SYT9: variants seen among roughly 807,000 people sequenced by gnomAD.
SYT9 encodes synaptotagmin 9.
Under a neutral mutation model 48.4 loss-of-function variants are expected in SYT9, and 22 were observed. That is an observed-to-expected ratio of 0.45 (90% CI 0.32 to 0.65). The LOEUF (loss-of-function observed/expected upper bound fraction) is 0.65. Among genes scored for constraint, SYT9 ranks in the 30% least tolerant of loss-of-function variants. The pLI, the probability that SYT9 is intolerant of heterozygous loss-of-function variation, is 0.03. For synonymous variants in SYT9, 265 were observed against 245.0 expected, an observed-to-expected ratio of 1.08 and a Z score of -0.76; for missense variants, 577 against 622.0, an observed-to-expected ratio of 0.93 and a Z score of 0.77.
intron 3 of SYT9, among the ~76,000 whole-genome samples, chr11:7,358,929 T>C (rs943628070): frequency 6.6e-6 from 1 of 152,132 alleles, no homozygotes; most frequent in African/African-American, 2.4e-5. Context: ...ATACATGTGC[T>C]ATGCTGGTGC....
At chr11:7,427,572 A>T (rs191468110) in intron 6 of SYT9, 1 of 152,352 alleles carries the variant, frequency 6.6e-6, no homozygotes, top group Admixed American at 6.5e-5. Flanking sequence ...GGTGACAAGG[A>T]CTTTAGCCCA....
intron 3 of SYT9, among the ~76,000 whole-genome samples, chr11:7,319,090 T>G (rs1167566480): frequency 6.6e-6 from 1 of 152,108 alleles, no homozygotes; most frequent in Non-Finnish European, 1.5e-5. Flanking sequence ...ATGCCCCTAG[T>G]TTCTGACTTC....
chr11:7,333,407 C>G (rs1589952373), intron 3 of SYT9, among the ~76,000 whole-genome samples: 1 of 152,178 alleles, frequency 6.6e-6, no homozygotes, highest in Admixed American at 6.5e-5. Flanking sequence ...CTATAAGGCC[C>G]TGGCTCTCTA....
intron 1 of SYT9, among the ~76,000 whole-genome samples, chr11:7,301,819 GA>G (rs1227646835): frequency 6.6e-6 from 1 of 152,160 alleles, no homozygotes; most frequent in Non-Finnish European, 1.5e-5. Flanking sequence ...TTAAAATAAG[GA>G]TTTTACAGCC....
chr11:7,280,194 C>T lies in SYT9; in HGVS notation c.146-22845C>T, dbSNP rs901789396. 1.3e-5 allele frequency among the ~76,000 whole-genome samples: 2 copies of T among 152,234 alleles called. 1 individual carries two copies. Among genetic ancestry groups the T allele is most frequent in the Admixed American group, 1.3e-4 (2 of 15,286 alleles). On this transcript the variant is annotated intron_variant, in intron 1 of 6. Coordinates refer to ENST00000318881, the MANE Select transcript of SYT9 (RefSeq NM_175733.4). ...ACAATTCATAATAAAATACACATTGCATTTTATTGATTACATTACAATTGA... is the reference window on the plus strand; with the variant it reads ...ACAATTCATAATAAAATACACATTGTATTTTATTGATTACATTACAATTGA...
At position 7,260,045 on chromosome 11, in the gene SYT9, T is replaced by C. The variant is rs117541258; in HGVS notation, c.145+7714T>C. ...CCCCACCCTACCCTTGTGCAGCTGTTACTTAACCACGTTGAATTGATCAAT... is the reference window on the plus strand; with the variant it reads ...CCCCACCCTACCCTTGTGCAGCTGTCACTTAACCACGTTGAATTGATCAAT... On this transcript the variant is annotated intron_variant, in intron 1 of 6. Transcript: ENST00000318881. Among the ~76,000 whole-genome samples, 916 of 152,322 alleles carry C rather than the reference T, an allele frequency of 6.0e-3. 3 individuals are homozygous for C. Among genetic ancestry groups the C allele is most frequent in the Middle Eastern group, 0.017 (5 of 294 alleles).
intron 3 of SYT9, among the ~76,000 whole-genome samples, chr11:7,383,763 T>C (rs1291050323): frequency 6.6e-6 from 1 of 152,186 alleles, no homozygotes; most frequent in Non-Finnish European, 1.5e-5. Context: ...AACTGAGAAA[T>C]TACATAGTTT....
At chr11:7,440,259 C>A (rs965869275) in intron 6 of SYT9, 2 of 152,122 alleles carry the variant, frequency 1.3e-5, no homozygotes, top group African/African-American at 4.8e-5. Context: ...GTTGGAACCC[C>A]CCTGAGTAGA....
At chr11:7,245,667 C>G (rs944831224) in intron 1 of SYT9, among the ~76,000 whole-genome samples, 10 of 152,172 alleles carry the variant, frequency 6.6e-5, no homozygotes, top group Admixed American at 6.5e-4. Context: ...GCACTGGCAT[C>G]TGGCAAGGGC....
rs1377601063 is a variant in SYT9, at chr11:7,407,571, G to A, written c.1045-8471G>A. Reference sequence around the variant, plus strand: ...AATTTTTTGTATTTTTAGTAGAGACGGGGTTTCACCTTGTTAGCCAGGATG... The same window carrying A: ...AATTTTTTGTATTTTTAGTAGAGACAGGGTTTCACCTTGTTAGCCAGGATG... On this transcript the variant is annotated intron_variant, in intron 3 of 6. Coordinates refer to ENST00000318881, the MANE Select transcript of SYT9 (RefSeq NM_175733.4). 4.6e-5 allele frequency among the ~76,000 whole-genome samples: 3 copies of A among 65,674 alleles called. 1 individual carries two copies. The East Asian group carries it at 8.0e-4, about 17-fold the overall frequency. The allele number at this position is 65,674 out of a possible 152,430, so 43.1% of individuals were successfully genotyped here.
chr11:7,439,593 G>A (rs1268890822), intron 6 of SYT9: 1 of 152,388 alleles, frequency 6.6e-6, no homozygotes, highest in Non-Finnish European at 1.5e-5. Context: ...GACATGAGCA[G>A]AAGGCTGGAG....
intron 1 of SYT9, among the ~76,000 whole-genome samples, chr11:7,240,002 A>G (rs1847724881): frequency 6.6e-6 from 1 of 152,144 alleles, no homozygotes; most frequent in Non-Finnish European, 1.5e-5. Context: ...GGAATTTAAA[A>G]CCACGGAACT....
In SYT9 at chr11:7,466,895, G is replaced by T; in HGVS notation, c.*95G>T. 6.9e-7 allele frequency: 1 copy of T among 1,458,174 alleles called. No individual in the cohort carries two copies. Among genetic ancestry groups the T allele is most frequent in the Non-Finnish European group, 9.5e-7 (1 of 1,051,662 alleles). 90.3% of individuals were successfully genotyped at this position (1,458,174 alleles called of 1,614,324 possible). Reference sequence around the variant, plus strand: ...TTTTTCCATCCAGCAACATCCAGACGATTTCAGTGACCAAATGCTCAGCTG... The same window carrying T: ...TTTTTCCATCCAGCAACATCCAGACTATTTCAGTGACCAAATGCTCAGCTG... On this transcript the variant is annotated 3_prime_UTR_variant, in exon 7 of 7. Coordinates refer to ENST00000318881, the MANE Select transcript of SYT9 (RefSeq NM_175733.4).
chr11:7,394,471 A>G (rs566995197), intron 3 of SYT9, among the ~76,000 whole-genome samples: 31 of 152,316 alleles, frequency 2.0e-4, no homozygotes, highest in African/African-American at 7.0e-4. Flanking sequence ...CTTTGGGTAT[A>G]TACCCAGTAA....
intron 3 of SYT9, among the ~76,000 whole-genome samples, chr11:7,370,428 G>T (rs985010579): frequency 2.0e-5 from 3 of 152,106 alleles, no homozygotes; most frequent in African/African-American, 7.2e-5. Flanking sequence ...TAGTGGTTAG[G>T]ACTAGGGATG....
At chr11:7,410,099 G>T (rs962192681) in intron 3 of SYT9, among the ~76,000 whole-genome samples, 1 of 151,998 alleles carries the variant, frequency 6.6e-6, no homozygotes, top group African/African-American at 2.4e-5. Flanking sequence ...TTTCTTAATT[G>T]ACCCAGTGGT....
At chr11:7,387,416 A>G (rs191466182) in intron 3 of SYT9, among the ~76,000 whole-genome samples, 3 of 152,314 alleles carry the variant, frequency 2.0e-5, no homozygotes, top group Middle Eastern at 3.4e-3. Context: ...CTGAGCTTGT[A>G]TCCACTCTAT....
At chr11:7,410,048 A>G (rs1009099161) in intron 3 of SYT9, among the ~76,000 whole-genome samples, 1 of 152,008 alleles carries the variant, frequency 6.6e-6, no homozygotes, top group African/African-American at 2.4e-5. Context: ...CACATGTCTT[A>G]TTTACATTTG....
chr11:7,387,848 T>C (rs1247763569), intron 3 of SYT9, among the ~76,000 whole-genome samples: 1 of 152,212 alleles, frequency 6.6e-6, no homozygotes, highest in East Asian at 1.9e-4. Context: ...TAATCAACCA[T>C]GTAAACGTGA....
Sources: allele counts gnomAD v4.1 joint callset (sites outside exome capture counted in the v4.1 genomes callset), GRCh38; gene constraint gnomAD v4.1.1; transcripts MANE v1.5; gene names NCBI Gene and HGNC (gene_info 2026-07-23, HGNC 2026-07-21).